DCDC1: variants seen among roughly 807,000 people sequenced by gnomAD.
DCDC1 encodes the protein doublecortin domain containing 1.
A neutral mutation model predicts 178.3 loss-of-function variants in DCDC1; 200 were observed. That is an observed-to-expected ratio of 1.12 (90% CI 1.00 to 1.26). The LOEUF (loss-of-function observed/expected upper bound fraction) is 1.26, where lower values mean the gene tolerates loss of function less well. Ranked by LOEUF, DCDC1 falls within the 50% of genes most tolerant of loss-of-function variation. DCDC1 has a pLI of 0.00. For missense variants in DCDC1, 1,983 were observed against 1,749.2 expected, an observed-to-expected ratio of 1.13 and a Z score of -2.38; for synonymous variants, 690 against 604.8, an observed-to-expected ratio of 1.14 and a Z score of -2.07.
intron 11 of DCDC1, among the ~76,000 whole-genome samples, chr11:31,111,719 C>T (rs1959179191): frequency 6.6e-6 from 1 of 152,176 alleles, no homozygotes; most frequent in Admixed American, 6.5e-5. Flanking sequence ...AACTCTTAAG[C>T]AACAGAGAAA....
chr11:31,208,641 A>C (rs1972140374), intron 9 of DCDC1, among the ~76,000 whole-genome samples: 1 of 152,090 alleles, frequency 6.6e-6, no homozygotes, highest in Non-Finnish European at 1.5e-5. Flanking sequence ...ATGCTCCACA[A>C]AGCTCTCTAT....
At chr11:30,902,652 T>C (rs533324805) in intron 32 of DCDC1, among the ~76,000 whole-genome samples, 7 of 152,026 alleles carry the variant, frequency 4.6e-5, no homozygotes, top group Non-Finnish European at 8.8e-5. Flanking sequence ...AATAAGAAAA[T>C]TGGAATACAA....
At chr11:31,225,844 G>A (rs963075687) in intron 9 of DCDC1, among the ~76,000 whole-genome samples, 1 of 151,496 alleles carries the variant, frequency 6.6e-6, no homozygotes, top group Non-Finnish European at 1.5e-5. Context: ...TTCGTGTCTG[G>A]AGTATTTCAT....
In DCDC1 at chr11:30,888,001, C is replaced by CA. The variant is rs1217474196; in HGVS notation, c.5082+4816dup. 3.0e-3 allele frequency among the ~76,000 whole-genome samples: 95 copies of CA among 31,580 alleles called. 1 individual carries two copies. The highest frequency in any genetic ancestry group is 0.045 in the Middle Eastern group (2 of 44). The allele number at this position is 31,580 out of a possible 152,430, so 20.7% of individuals were successfully genotyped here. ...CTGGGCAACAAGAGCAAAATTCCGT[C>CA]AAAAAAAAAAAAGAAAGAAAGAGAG... is the stretch of plus-strand genomic sequence containing the variant. On this transcript the variant is annotated intron_variant, in intron 36 of 38. Transcript: ENST00000684477.
chr11:31,198,392 G>T (rs1038998650), intron 9 of DCDC1, among the ~76,000 whole-genome samples: 8 of 151,992 alleles, frequency 5.3e-5, no homozygotes, highest in African/African-American at 1.9e-4. Context: ...AGCAAGTATA[G>T]ATTTCTACTT....
intron 11 of DCDC1, among the ~76,000 whole-genome samples, chr11:31,111,668 T>C (rs887338269): frequency 6.6e-6 from 1 of 152,184 alleles, no homozygotes; most frequent in African/African-American, 2.4e-5. Flanking sequence ...AAAAGACTCT[T>C]ACTGTCCCCA....
At chr11:30,901,872 C>T (rs2134114783) in intron 32 of DCDC1, among the ~76,000 whole-genome samples, 1 of 152,142 alleles carries the variant, frequency 6.6e-6, no homozygotes, top group East Asian at 1.9e-4. Context: ...TAAGTAATAT[C>T]CTATACACAA....
chr11:30,943,654 C>T (rs1220602764), intron 21 of DCDC1: 1 of 452,582 alleles, frequency 2.2e-6, no homozygotes, highest in Non-Finnish European at 4.4e-6. Context: ...AACTTGAGTT[C>T]CTCTAATTTT....
At chr11:30,963,067 G>A (rs1284076603) in intron 20 of DCDC1, among the ~76,000 whole-genome samples, 1 of 152,026 alleles carries the variant, frequency 6.6e-6, no homozygotes, top group Non-Finnish European at 1.5e-5. Flanking sequence ...CAGATATTTG[G>A]TGGATAAACT....
At chr11:31,195,733 T>C (rs1400062395) in intron 9 of DCDC1, among the ~76,000 whole-genome samples, 2 of 152,082 alleles carry the variant, frequency 1.3e-5, no homozygotes, top group Non-Finnish European at 2.9e-5. Flanking sequence ...CCCCTACTTA[T>C]TAGCTTCATA....
chr11:31,241,572 G>A lies in DCDC1; in HGVS notation c.1099C>T (p.Arg367Ter), dbSNP rs957837964. ...KCLQNSITPLRGLLWVSKGEG... is the reference protein window; with the variant it reads ...KCLQNSITPL The stretch of plus-strand genomic sequence containing the variant: ...CCCTTAGAGACCCAAAGTAGTCCTC[G>A]CAAAGGTGTGATGGAATTTTGCAGG... Residue 367 changes from arginine to a stop codon, truncating the protein, a stop_gained, in exon 9 of 39, where the codon CGA (arginine) becomes TGA (stop). Coordinates refer to ENST00000684477, the MANE Select transcript of DCDC1 (RefSeq NM_001387274.1). LOFTEE classifies it high-confidence loss of function. 99 of 397,372 alleles carry A rather than the reference G, an allele frequency of 2.5e-4. No homozygotes were observed. In the East Asian group the frequency reaches 3.4e-3, roughly 14 times the overall value. 24.6% of individuals were successfully genotyped at this position (397,372 alleles called of 1,614,324 possible). A position where few individuals can be genotyped will look rare whatever the true frequency, so the allele number is the denominator to read the frequency against.
At chr11:31,099,744 G>C (rs1358871941) in intron 15 of DCDC1, among the ~76,000 whole-genome samples, 1 of 145,636 alleles carries the variant, frequency 6.9e-6, no homozygotes, top group Non-Finnish European at 1.5e-5. Flanking sequence ...TTTTGAGACA[G>C]AGTCTCGCTC....
chr11:30,968,064 G>A (rs1042551257), intron 20 of DCDC1, among the ~76,000 whole-genome samples: 2 of 152,162 alleles, frequency 1.3e-5, no homozygotes, highest in African/African-American at 4.8e-5. Flanking sequence ...CTACATTTAT[G>A]TTGCTGGGTG....
At chr11:30,903,413 T>C (rs959130507) in intron 32 of DCDC1, 69 bp downstream of exon 32, 2 of 1,324,202 alleles carry the variant, frequency 1.5e-6, no homozygotes, top group Non-Finnish European at 2.0e-6. Flanking sequence ...CTAAATGAAA[T>C]AATCATGTTT....
intron 38 of DCDC1, among the ~76,000 whole-genome samples, chr11:30,866,541 G>A (rs1940995241): frequency 1.3e-5 from 2 of 152,070 alleles, no homozygotes; most frequent in Admixed American, 6.6e-5. Flanking sequence ...TGAGGATTGG[G>A]TTTCAACATA....
intron 20 of DCDC1, among the ~76,000 whole-genome samples, chr11:31,001,743 G>C (rs1951593285): frequency 6.6e-6 from 1 of 152,228 alleles, no homozygotes. Context: ...CTGTGTGAAT[G>C]AAATGATACA....
intron 20 of DCDC1, among the ~76,000 whole-genome samples, chr11:31,035,799 G>A (rs891330851): frequency 6.6e-6 from 1 of 152,194 alleles, no homozygotes; most frequent in African/African-American, 2.4e-5. Flanking sequence ...ATACTGTTCC[G>A]ATGTTGATTT....
intron 1 of DCDC1, among the ~76,000 whole-genome samples, chr11:31,365,316 C>G (rs559590503): frequency 6.6e-6 from 1 of 152,206 alleles, no homozygotes; most frequent in African/African-American, 2.4e-5. Context: ...ATAAGTTGCT[C>G]TAGAGACAAT....
At chr11:31,244,147 AT>A (rs1304311997) in intron 8 of DCDC1, among the ~76,000 whole-genome samples, 4 of 151,820 alleles carry the variant, frequency 2.6e-5, no homozygotes, top group Non-Finnish European at 4.4e-5. Flanking sequence ...AATAATATTT[AT>A]TAAGCAGTTA....
Sources: gnomAD v4.1 joint callset for allele counts (sites outside exome capture counted in the v4.1 genomes callset) on GRCh38, gnomAD v4.1.1 for gene constraint, MANE v1.5 for transcripts, NCBI Gene and HGNC (gene_info 2026-07-23, HGNC 2026-07-21) for gene names.